The following TET2 variants were observed in gnomAD, a reference collection of about 807,000 sequenced individuals.
The protein encoded by TET2 is methylcytosine dioxygenase TET2.
In TET2, 299 loss-of-function variants were observed where a neutral mutation model predicts 142.9. That is an observed-to-expected ratio of 2.09 (90% CI 1.90 to 2.30). The LOEUF (loss-of-function observed/expected upper bound fraction) is 2.30. Among genes scored for constraint, TET2 ranks in the 30% most tolerant of loss-of-function variants. TET2 has a pLI of 0.00. For synonymous variants in TET2, 819 were observed against 849.0 expected (o/e 0.96, Z 0.61); for missense variants, 2,418 against 2,378.0 (o/e 1.02, Z -0.35).
chr4:105,207,206 T>C (rs1726876775), intron 2 of TET2, among the ~76,000 whole-genome samples: 1 of 152,200 alleles, frequency 6.6e-6, no homozygotes, highest in Non-Finnish European at 1.5e-5. Flanking sequence ...ATATTGTAAG[T>C]ATACGGGGAA....
At chr4:105,214,732 G>A (rs753194656) in intron 2 of TET2, among the ~76,000 whole-genome samples, 1 of 152,016 alleles carries the variant, frequency 6.6e-6, no homozygotes, top group Non-Finnish European at 1.5e-5. Context: ...GGGAGCTTCT[G>A]GATAGCTGAA....
intron 2 of TET2, among the ~76,000 whole-genome samples, chr4:105,218,354 T>C (rs1355440966): frequency 6.6e-6 from 1 of 152,120 alleles, no homozygotes; most frequent in Non-Finnish European, 1.5e-5. Context: ...CTCCATCTAT[T>C]CATAGTTTGG....
chr4:105,268,464 C>G (rs2110298501), intron 8 of TET2, among the ~76,000 whole-genome samples: 1 of 152,196 alleles, frequency 6.6e-6, no homozygotes, highest in East Asian at 1.9e-4. Flanking sequence ...TCAGTTCTCC[C>G]CAAACTAATC....
Position 105,235,955 on chromosome 4 carries a change from T to G in TET2, c.2013T>G (p.Ala671=). The change falls in exon 3 of 11, where the codon GCT becomes GCG. Residue 671 remains alanine (A), a synonymous_variant. Coordinates refer to ENST00000380013, the MANE Select transcript of TET2 (RefSeq NM_001127208.3). ...CCAAAACAGACCATTTACCAAAAGCTCATGTGCAGTCACTGTGTGGCACTA... is the reference window on the plus strand; with the variant it reads ...CCAAAACAGACCATTTACCAAAAGCGCATGTGCAGTCACTGTGTGGCACTA... ...HFSKTDHLPK[A]HVQSLCGTRF... is the part of the protein sequence containing the mutation. 1.2e-6 allele frequency: 2 copies of G among 1,614,114 alleles called. No homozygotes were observed. Among genetic ancestry groups the G allele is most frequent in the Non-Finnish European group, 1.7e-6 (2 of 1,180,012 alleles).
At chr4:105,231,340 T>G (rs1474107866) in intron 2 of TET2, among the ~76,000 whole-genome samples, 1 of 152,164 alleles carries the variant, frequency 6.6e-6, no homozygotes, top group Non-Finnish European at 1.5e-5. Context: ...AGCTTTTCCC[T>G]TGTTTTGTTT....
At chr4:105,153,623 A>C (rs1490014892) in intron 1 of TET2, among the ~76,000 whole-genome samples, 2 of 152,188 alleles carry the variant, frequency 1.3e-5, no homozygotes, top group African/African-American at 4.8e-5. Flanking sequence ...GAGTGAGGAA[A>C]CTGAAGCCCA....
intron 1 of TET2, among the ~76,000 whole-genome samples, chr4:105,181,235 T>C (rs1359813180): frequency 6.6e-6 from 1 of 152,232 alleles, no homozygotes; most frequent in Non-Finnish European, 1.5e-5. Flanking sequence ...TTTGTGTGTG[T>C]CTGTATAGTA....
intron 10 of TET2, among the ~76,000 whole-genome samples, chr4:105,274,012 A>G (rs999173941): frequency 9.9e-5 from 15 of 152,226 alleles, no homozygotes; most frequent in Admixed American, 2.0e-4. Context: ...CATGAAGTCA[A>G]ATTTCTCTAC....
In TET2 at chr4:105,236,153, T is replaced by A; in HGVS notation, c.2211T>A (p.His737Gln). 2.5e-6 allele frequency: 4 copies of A among 1,613,772 alleles called. No homozygotes were observed. The highest frequency in any genetic ancestry group is 3.4e-6 in the Non-Finnish European group (4 of 1,179,932). Reference sequence around the variant, plus strand: ...AAACACAACCATCCCAGAGTTCACATCTCCCTCAAAACCAGCAACAGCAGC... The same window carrying A: ...AAACACAACCATCCCAGAGTTCACAACTCCCTCAAAACCAGCAACAGCAGC... ...AAQTQPSQSS[H>Q]LPQNQQQQQK... The change falls in exon 3 of 11, where the codon CAT becomes CAA. Residue 737 changes from histidine to glutamine, a missense_variant. His to Gln is a conservative substitution (Grantham distance 24). Coordinates refer to ENST00000380013, the MANE Select transcript of TET2 (RefSeq NM_001127208.3).
intron 6 of TET2, among the ~76,000 whole-genome samples, chr4:105,256,724 T>C (rs973579546): frequency 1.3e-5 from 2 of 152,254 alleles, no homozygotes; most frequent in South Asian, 2.1e-4. Flanking sequence ...ACCTGCATTA[T>C]GTCTATGTTG....
chr4:105,233,884 C>T lies in TET2; in HGVS notation c.-46-13C>T, dbSNP rs1359281399. 1.4e-6 allele frequency: 2 copies of T among 1,428,840 alleles called. No homozygotes were observed. The highest frequency in any genetic ancestry group is 4.6e-5 in the East Asian group (2 of 43,138). 88.5% of individuals were successfully genotyped at this position (1,428,840 alleles called of 1,614,324 possible). A position where few individuals can be genotyped will look rare whatever the true frequency, so the allele number is the denominator to read the frequency against. On this transcript the variant is annotated splice_polypyrimidine_tract_variant and intron_variant, in intron 2 of 10. Transcript: ENST00000380013. ...AATAAACACATTTTAATTTTTGTTTCCATGCTCTTTAGAATTCAACTAGAG... is the reference window on the plus strand; with the variant it reads ...AATAAACACATTTTAATTTTTGTTTTCATGCTCTTTAGAATTCAACTAGAG...
chr4:105,262,055 A>T (rs868634510), intron 8 of TET2, among the ~76,000 whole-genome samples: 27 of 152,194 alleles, frequency 1.8e-4, no homozygotes, highest in African/African-American at 6.5e-4. Context: ...CTGTAAAGAC[A>T]TGCGCTTCTA....
chr4:105,207,307 C>T (rs1726883335), intron 2 of TET2, among the ~76,000 whole-genome samples: 1 of 152,048 alleles, frequency 6.6e-6, no homozygotes, highest in Admixed American at 6.6e-5. Flanking sequence ...ACATGAAAAC[C>T]TTAAGCATGA....
Position 105,276,583 on chromosome 4 carries a change from T to G in TET2, c.*64T>G, listed in dbSNP as rs1475864407. 1 of 1,479,320 alleles carries G rather than the reference T, an allele frequency of 6.8e-7. No homozygotes were observed. The highest frequency in any genetic ancestry group is 9.0e-7 in the Non-Finnish European group (1 of 1,107,360). 91.6% of individuals were successfully genotyped at this position (1,479,320 alleles called of 1,614,324 possible). A position where few individuals can be genotyped will look rare whatever the true frequency, so the allele number is the denominator to read the frequency against. On this transcript the variant is annotated 3_prime_UTR_variant, in exon 11 of 11. Transcript: ENST00000380013. ...CACAACCAACCTGTCAGTAGTATAG[T>G]TCTCATGACGTGGGCAGTGGGGAAA... is the stretch of plus-strand genomic sequence containing the variant.
Position 105,234,492 on chromosome 4 carries a change from G to A in TET2, c.550G>A (p.Glu184Lys), listed in dbSNP as rs779333095. The change falls in exon 3 of 11, where the codon GAG becomes AAG. Residue 184 changes from glutamate to lysine, a missense_variant. Coordinates refer to ENST00000380013, the MANE Select transcript of TET2 (RefSeq NM_001127208.3). ...AAATCCAGAGCTTCAGATTCTGAAT[G>A]AGCAGGAGGGGAAAAGTGCTAATTA... ...PENPELQILN[E>K]QEGKSANYHD... is the part of the protein sequence containing the mutation. 6.2e-7 allele frequency: 1 copy of A among 1,614,048 alleles called. No individual in the cohort carries two copies. Among genetic ancestry groups the A allele is most frequent in the South Asian group, 1.1e-5 (1 of 91,066 alleles).
chr4:105,208,145 C>T (rs1560753219), intron 2 of TET2, among the ~76,000 whole-genome samples: 1 of 152,134 alleles, frequency 6.6e-6, no homozygotes, highest in African/African-American at 2.4e-5. Flanking sequence ...TCAATATCTT[C>T]CTGGCCATCT....
At chr4:105,274,947 G>C (rs2110310508) in intron 10 of TET2, 101 bp from the exon 11 acceptor site, 1 of 1,400,620 alleles carries the variant, frequency 7.1e-7, no homozygotes, top group Non-Finnish European at 9.5e-7. Flanking sequence ...TATATCACTA[G>C]TGGAGTTTCT....
At chr4:105,178,272 G>A (rs1036719471) in intron 1 of TET2, among the ~76,000 whole-genome samples, 6 of 152,088 alleles carry the variant, frequency 3.9e-5, no homozygotes, top group African/African-American at 1.4e-4. Context: ...TAAGAAATGA[G>A]CTATCACATC....
At chr4:105,169,631 T>C (rs1487759829) in intron 1 of TET2, among the ~76,000 whole-genome samples, 2 of 152,162 alleles carry the variant, frequency 1.3e-5, no homozygotes, top group African/African-American at 2.4e-5. Flanking sequence ...TGCTTTTGGG[T>C]TCTTGGTCAT....
Sources: gnomAD v4.1 joint callset for allele counts (sites outside exome capture counted in the v4.1 genomes callset) on GRCh38, gnomAD v4.1.1 for gene constraint, MANE v1.5 for transcripts, NCBI Gene and HGNC (gene_info 2026-07-23, HGNC 2026-07-21) for gene names.